The following PARD3B variants were observed in gnomAD, a reference collection of about 807,000 sequenced individuals.
PARD3B encodes partitioning defective 3 homolog B.
PARD3B carries 103 observed loss-of-function variants against 130.2 expected under a neutral mutation model. That is an observed-to-expected ratio of 0.79 (90% CI 0.67 to 0.93). The LOEUF (loss-of-function observed/expected upper bound fraction) is 0.93. Among genes scored for constraint, PARD3B ranks in the 40% least tolerant of loss-of-function variants. The probability of loss-of-function intolerance (pLI) is 0.00; values close to 1 mark genes in which losing one functional copy is unlikely to be tolerated. For missense variants in PARD3B, 1,609 were observed against 1,499.2 expected (o/e 1.07, Z -1.21); for synonymous variants, 583 against 553.2 (o/e 1.05, Z -0.76).
chr2:204,894,028 A>C (rs2046546865), intron 2 of PARD3B, among the ~76,000 whole-genome samples: 1 of 152,116 alleles, frequency 6.6e-6, no homozygotes, highest in Admixed American at 6.6e-5. Context: ...AAAGACACTA[A>C]GACCTTATCT....
intron 18 of PARD3B, among the ~76,000 whole-genome samples, chr2:205,381,023 G>GAAT (rs1559035377): frequency 1.5e-5 from 1 of 64,960 alleles, no homozygotes; most frequent in Non-Finnish European, 2.4e-5. Flanking sequence ...GAATATATAT[G>GAAT]ATATATTATA....
intron 1 of PARD3B, among the ~76,000 whole-genome samples, chr2:204,573,478 A>G (rs2032102065): frequency 6.6e-6 from 1 of 152,172 alleles, no homozygotes; most frequent in African/African-American, 2.4e-5. Flanking sequence ...AAGAGGTTAG[A>G]TGACCCTCCC....
chr2:205,243,003 C>A (rs1190442162), intron 15 of PARD3B, among the ~76,000 whole-genome samples: 1 of 152,108 alleles, frequency 6.6e-6, no homozygotes, highest in African/African-American at 2.4e-5. Context: ...CCCGTCTCTA[C>A]TAAAAATACA....
At chr2:205,490,270 C>A (rs939589521) in intron 20 of PARD3B, among the ~76,000 whole-genome samples, 2 of 151,962 alleles carry the variant, frequency 1.3e-5, no homozygotes, top group East Asian at 1.9e-4. Flanking sequence ...CCACTCCCCC[C>A]ACCCCACAAC....
rs75542189 is a variant in PARD3B, at chr2:205,395,532, T to C, written c.2631-5481T>C. ...TGTCTCTGATCTTTAAGTGTTACAG[T>C]TTTTCAGGACTTAGGCATGGACTCA... On this transcript the variant is annotated intron_variant, in intron 18 of 22. Transcript: ENST00000406610. Among the ~76,000 whole-genome samples the C allele has an allele frequency of 3.9e-3, 589 of 152,256 alleles. 4 individuals carry two copies. The highest frequency in any genetic ancestry group is 0.013 in the African/African-American group (544 of 41,554).
intron 18 of PARD3B, among the ~76,000 whole-genome samples, chr2:205,387,338 T>C (rs773274368): frequency 1.4e-4 from 21 of 152,218 alleles, no homozygotes; most frequent in Non-Finnish European, 2.5e-4. Flanking sequence ...TAAATTTAGA[T>C]TAAATAATTT....
intron 13 of PARD3B, among the ~76,000 whole-genome samples, chr2:205,180,913 G>A (rs2035751381): frequency 6.6e-6 from 1 of 152,148 alleles, no homozygotes; most frequent in African/African-American, 2.4e-5. Flanking sequence ...GCATTTGAAT[G>A]GTAATGAAAT....
intron 18 of PARD3B, among the ~76,000 whole-genome samples, chr2:205,346,767 C>G (rs1176470285): frequency 2.6e-5 from 4 of 152,124 alleles, no homozygotes. Flanking sequence ...TGATCTTTGC[C>G]ACATTTTTCC....
At chr2:204,549,028 A>G (rs1184607827) in intron 1 of PARD3B, among the ~76,000 whole-genome samples, 1 of 152,200 alleles carries the variant, frequency 6.6e-6, no homozygotes, top group Non-Finnish European at 1.5e-5. Flanking sequence ...GCCATTCTAT[A>G]TTTCGTGGAC....
intron 1 of PARD3B, among the ~76,000 whole-genome samples, chr2:204,556,724 G>A (rs916035208): frequency 2.0e-5 from 3 of 152,002 alleles, no homozygotes; most frequent in South Asian, 4.2e-4. Flanking sequence ...ATTTTGTTAC[G>A]AATATACTCA....
intron 1 of PARD3B, among the ~76,000 whole-genome samples, chr2:204,583,814 A>C (rs990375874): frequency 6.6e-6 from 1 of 152,218 alleles, no homozygotes; most frequent in African/African-American, 2.4e-5. Context: ...CTTTTCGTGT[A>C]TTGATCAAAC....
intron 22 of PARD3B, among the ~76,000 whole-genome samples, chr2:205,578,640 G>C (rs997066108): frequency 3.3e-5 from 5 of 152,202 alleles, no homozygotes; most frequent in Admixed American, 6.5e-5. Context: ...TCAAGGTATT[G>C]GTGGTGTCAA....
Position 205,182,322 on chromosome 2 carries a change from T to G in PARD3B, c.1925-3442T>G, listed in dbSNP as rs1163288486. On this transcript the variant is annotated intron_variant, in intron 13 of 22. Coordinates refer to ENST00000406610, the MANE Select transcript of PARD3B (RefSeq NM_001302769.2). Reference sequence around the variant, plus strand: ...AAGAAAAAAAAAAAAGTAACAAGGATAGAGAGTCAACAAATAAGATACTTA... The same window carrying G: ...AAGAAAAAAAAAAAAGTAACAAGGAGAGAGAGTCAACAAATAAGATACTTA... Among the ~76,000 whole-genome samples, 3 of 147,394 alleles carry G rather than the reference T, an allele frequency of 2.0e-5. No homozygotes were observed. The East Asian group carries it at 5.9e-4, about 29-fold the overall frequency.
At chr2:204,944,319 G>A (rs1689143552) in intron 2 of PARD3B, among the ~76,000 whole-genome samples, 1 of 152,204 alleles carries the variant, frequency 6.6e-6, no homozygotes, top group South Asian at 2.1e-4. Context: ...TAGAGGGTAG[G>A]AGATGACTCT....
At chr2:205,035,285 T>G (rs1697736145) in intron 3 of PARD3B, among the ~76,000 whole-genome samples, 1 of 152,182 alleles carries the variant, frequency 6.6e-6, no homozygotes. Flanking sequence ...AAATAACATT[T>G]GGGACATATA....
intron 1 of PARD3B, among the ~76,000 whole-genome samples, chr2:204,590,330 T>A (rs2033021086): frequency 6.6e-6 from 1 of 152,144 alleles, no homozygotes; most frequent in East Asian, 1.9e-4. Context: ...ATACATCCCA[T>A]TTGGGATTTG....
rs73984227 is a variant in PARD3B at position 204,547,866 on chromosome 2, C to T, written c.120+1747C>T. On this transcript the variant is annotated intron_variant, in intron 1 of 22. Transcript: ENST00000406610. ...ATCTTAAAAGGTGTTAAAATATTGACATTCTGGAATGGAAACGTAACTTAT... is the reference window on the plus strand; with the variant it reads ...ATCTTAAAAGGTGTTAAAATATTGATATTCTGGAATGGAAACGTAACTTAT... 3.3e-3 allele frequency among the ~76,000 whole-genome samples: 508 copies of T among 152,202 alleles called. 2 individuals carry two copies. Among genetic ancestry groups the T allele is most frequent in the African/African-American group, 0.012 (489 of 41,548 alleles).
rs1574378220 is a variant in PARD3B, at chr2:205,204,008, G to A, written c.2140+10688G>A. Among the ~76,000 whole-genome samples, 5 of 152,180 alleles carry A rather than the reference G, an allele frequency of 3.3e-5. No homozygotes were observed. In the South Asian group the frequency reaches 1.0e-3, roughly 31 times the overall value. ...GGGTCAAATGGTATTTCTGGTTCTGGATCCTTGAGGAATCACCACACTGTC... is the reference window on the plus strand; with the variant it reads ...GGGTCAAATGGTATTTCTGGTTCTGAATCCTTGAGGAATCACCACACTGTC... On this transcript the variant is annotated intron_variant, in intron 15 of 22. Coordinates refer to ENST00000406610, the MANE Select transcript of PARD3B (RefSeq NM_001302769.2).
chr2:205,144,924 C>T lies in PARD3B; in HGVS notation c.1435-13798C>T, dbSNP rs565548621. ...CTTTAACCAACGAAAAGAAACTCCC[C>T]GCTCATGCCCCTACAAAAATACTGC... On this transcript the variant is annotated intron_variant, in intron 10 of 22. Coordinates refer to ENST00000406610, the MANE Select transcript of PARD3B (RefSeq NM_001302769.2). Among the ~76,000 whole-genome samples the T allele has an allele frequency of 1.1e-4, 16 of 152,256 alleles. No homozygotes were observed. In the East Asian group the frequency reaches 2.1e-3, roughly 20 times the overall value.
Sources: gnomAD v4.1 joint callset for allele counts (sites outside exome capture counted in the v4.1 genomes callset) on GRCh38, gnomAD v4.1.1 for gene constraint, MANE v1.5 for transcripts, NCBI Gene and HGNC (gene_info 2026-07-23, HGNC 2026-07-21) for gene names.